UPK1A: variants seen among roughly 807,000 people sequenced by gnomAD.
UPK1A encodes uroplakin-1a.
In UPK1A, 31 loss-of-function variants were observed where a neutral mutation model predicts 32.3. That is an observed-to-expected ratio of 0.96 (90% CI 0.72 to 1.30). The LOEUF (loss-of-function observed/expected upper bound fraction) is 1.30, where lower values mean the gene tolerates loss of function less well. UPK1A is among the 50% of genes most tolerant of loss of function. The probability of loss-of-function intolerance (pLI) is 0.00; values close to 1 mark genes in which losing one functional copy is unlikely to be tolerated. For synonymous variants in UPK1A, 135 were observed against 137.1 expected, an observed-to-expected ratio of 0.98 and a Z score of 0.11; for missense variants, 340 against 357.4, an observed-to-expected ratio of 0.95 and a Z score of 0.39.
chr19:35,667,002 C>T, intron 2 of UPK1A, 106 bp downstream of exon 2: 1 of 1,156,220 alleles, frequency 8.6e-7, no homozygotes, highest in Non-Finnish European at 1.3e-6. Flanking sequence ...CTCGGGCAGA[C>T]TCAGTGGTCA....
chr19:35,667,614 T>G (rs1968019281), intron 2 of UPK1A, among the ~76,000 whole-genome samples: 1 of 146,378 alleles, frequency 6.8e-6, no homozygotes, highest in African/African-American at 2.5e-5. Context: ...CTGCCTCAGC[T>G]TCCCGAGCAG....
chr19:35,668,685 A>G (rs943891946), intron 3 of UPK1A, 31 bp downstream of exon 3: 1 of 1,585,722 alleles, frequency 6.3e-7, no homozygotes, highest in Non-Finnish European at 8.6e-7. Flanking sequence ...GGATGGGGAC[A>G]CTGAAAACGG....
At chr19:35,678,340 A>C (rs1599634387) in exon 8 of UPK1A, 2 of 282,464 alleles carry the variant, frequency 7.1e-6, no homozygotes, top group Non-Finnish European at 6.7e-6. Context: ...TTCTTGCTGA[A>C]CCGTTTGTGA....
At chr19:35,676,277 G>T (rs1311407304) in intron 6 of UPK1A, 1 of 619,588 alleles carries the variant, frequency 1.6e-6, no homozygotes, top group Non-Finnish European at 2.9e-6. Context: ...TGCAGCGTCT[G>T]CCTCCCGGGT....
chr19:35,673,490 C>T (rs1968134858), exon 5 of UPK1A: 1 of 1,613,320 alleles, frequency 6.2e-7, no homozygotes, highest in African/African-American at 1.3e-5. Flanking sequence ...TTCTACAGCG[C>T]GGACACCGAC....
chr19:35,673,662 G>A (rs1421448378), intron 5 of UPK1A, 117 bp downstream of exon 5: 1 of 851,834 alleles, frequency 1.2e-6, no homozygotes, highest in African/African-American at 1.7e-5. Context: ...CCGCTCATGA[G>A]ATCTCTAGGA....
intron 6 of UPK1A, among the ~76,000 whole-genome samples, chr19:35,676,629 T>A (rs978479869): frequency 1.3e-5 from 2 of 151,662 alleles, no homozygotes; most frequent in African/African-American, 4.8e-5. Context: ...CCGGGCGCGA[T>A]GGCTCATGCC....
intron 2 of UPK1A, 129 bp downstream of exon 2, chr19:35,667,025 T>C: frequency 1.1e-6 from 1 of 872,430 alleles, no homozygotes; most frequent in Non-Finnish European, 1.8e-6. Flanking sequence ...ACAGCCTGGG[T>C]TGAAATCCCA....
chr19:35,667,926 A>C (rs1474700364), intron 2 of UPK1A: 5 of 193,376 alleles, frequency 2.6e-5, no homozygotes, highest in Admixed American at 5.5e-5. Context: ...AGTAGCTGGG[A>C]CTACAGGTGC....
intron 2 of UPK1A, 151 bp from the exon 3 acceptor site, chr19:35,668,303 C>G (rs1968030468): frequency 2.2e-6 from 2 of 907,868 alleles, no homozygotes; most frequent in Non-Finnish European, 3.4e-6. Flanking sequence ...CTCTGCTCAC[C>G]CTCATCGCTG....
Position 35,666,795 on chromosome 19 carries a change from C to A in UPK1A, c.-4-14C>A. On this transcript the variant is annotated splice_polypyrimidine_tract_variant and intron_variant, in intron 1 of 7. Coordinates refer to ENST00000617999, the Ensembl canonical transcript of UPK1A. ...CTTTACGCTCCTGGCCTCATCCCTG[C>A]TCATGTGTCCCAGGATGATGGCGTC... 3 of 1,613,590 alleles carry A rather than the reference C, an allele frequency of 1.9e-6. No homozygotes were observed. In the South Asian group the frequency reaches 3.3e-5, roughly 18 times the overall value.
Position 35,675,822 on chromosome 19 carries a change from C to T in UPK1A, c.469-18C>T. 2 of 1,593,408 alleles carry T rather than the reference C, an allele frequency of 1.3e-6. No individual in the cohort carries two copies. Among genetic ancestry groups the T allele is most frequent in the Non-Finnish European group, 8.6e-7 (1 of 1,166,176 alleles). On this transcript the variant is annotated intron_variant, in intron 5 of 7. Coordinates refer to ENST00000617999, the Ensembl canonical transcript of UPK1A. ...TCTCTGAGCCCGAGCCTGCCTGACC[C>T]CCTGCTTTTCACTCTAGCAAGAATG...
chr19:35,668,182 C>G (rs1968027267), intron 2 of UPK1A: 1 of 525,814 alleles, frequency 1.9e-6, no homozygotes, highest in African/African-American at 1.9e-5. Context: ...CTCCTCTGTG[C>G]CAGTCCACTG....
chr19:35,676,792 G>A (rs1048046356), intron 6 of UPK1A, among the ~76,000 whole-genome samples: 11 of 151,826 alleles, frequency 7.2e-5, no homozygotes, highest in Non-Finnish European at 1.0e-4. Context: ...CCAGCTACTC[G>A]GGAGGCTGAG....
chr19:35,675,737 G>A (rs1968170735), intron 5 of UPK1A, 103 bp from the exon 6 acceptor site: 1 of 1,388,572 alleles, frequency 7.2e-7, no homozygotes, highest in Admixed American at 2.6e-5. Context: ...GTTGGGCCCA[G>A]CTGTGTCAAA....
At chr19:35,668,236 C>T in intron 2 of UPK1A, 1 of 613,668 alleles carries the variant, frequency 1.6e-6, no homozygotes, top group South Asian at 1.9e-5. Flanking sequence ...CCCGAAGAAA[C>T]TGGCAGCTGG....
chr19:35,676,014 AC>A lies in UPK1A; in HGVS notation c.645del (p.Lys216ArgfsTer26), dbSNP rs779283933. 6.2e-7 allele frequency: 1 copy of A among 1,612,668 alleles called. No individual in the cohort carries two copies. Among genetic ancestry groups the A allele is most frequent in the African/African-American group, 1.3e-5 (1 of 74,954 alleles). ...CCTGGGGCACATGGACTACCTGTTC[AC>A]CAAGGTGTGGCCGTCTGCCCTGCTC... On this transcript the variant is annotated frameshift_variant, in exon 6 of 8. Coordinates refer to ENST00000617999, the Ensembl canonical transcript of UPK1A. LOFTEE classifies it high-confidence loss of function.
At chr19:35,673,206 G>C in intron 3 of UPK1A, 26 bp from the exon 4 acceptor site, 2 of 1,612,302 alleles carry the variant, frequency 1.2e-6, no homozygotes, top group Non-Finnish European at 1.7e-6. Context: ...TCTGCCCGAC[G>C]GGCCGTCCTC....
At chr19:35,673,627 AGAG>A (rs1235278505) in intron 5 of UPK1A, 82 bp downstream of exon 5, 1 of 1,256,168 alleles carries the variant, frequency 8.0e-7, no homozygotes, top group African/African-American at 1.5e-5. Context: ...GCCAGCTTTT[AGAG>A]GAGTGAGTGC....
Sources: gnomAD v4.1 joint callset for allele counts (sites outside exome capture counted in the v4.1 genomes callset) on GRCh38, gnomAD v4.1.1 for gene constraint, MANE v1.5 for transcripts, NCBI Gene and HGNC (gene_info 2026-07-23, HGNC 2026-07-21) for gene names.